The following PCDHGA4 variants were observed in gnomAD, a reference collection of about 807,000 sequenced individuals.
PCDHGA4 encodes protocadherin gamma subfamily A, 4.
Under a neutral mutation model 54.6 loss-of-function variants are expected in PCDHGA4, and 38 were observed. The observed-to-expected ratio is 0.70, with a 90% confidence interval of 0.54 to 0.91. PCDHGA4 has a LOEUF of 0.91. PCDHGA4 is among the 40% of genes least tolerant of loss of function. The pLI, the probability that PCDHGA4 is intolerant of heterozygous loss-of-function variation, is 0.00. For missense variants in PCDHGA4, 1,298 were observed against 1,220.9 expected, an observed-to-expected ratio of 1.06 and a Z score of -0.94; for synonymous variants, 511 against 512.9, an observed-to-expected ratio of 1.00 and a Z score of 0.05.
At chr5:141,405,632 G>A (rs1487962714) in intron 1 of PCDHGA4, 9 of 530,162 alleles carry the variant, frequency 1.7e-5, no homozygotes, top group African/African-American at 1.2e-4. Flanking sequence ...GTGCCACCAC[G>A]CCCGGCTAAT....
At position 141,487,565 on chromosome 5, in the gene PCDHGA4, G is replaced by A. The variant is rs1473034794; in HGVS notation, c.2515-7242G>A. ...GTCACCCAGTGCACCTATGGCAGGGGAGCCTGTTCGCCCAAGCTGCCCACC... is the reference window on the plus strand; with the variant it reads ...GTCACCCAGTGCACCTATGGCAGGGAAGCCTGTTCGCCCAAGCTGCCCACC... On this transcript the variant is annotated intron_variant, in intron 1 of 3. Transcript: ENST00000571252. This position sits in a 1 kb window ranked among gnomAD's most constrained non-coding sequence, Gnocchi z 5.0. The A allele has an allele frequency of 6.2e-7, 1 of 1,614,164 alleles. No individual in the cohort carries two copies. Among genetic ancestry groups the A allele is most frequent in the East Asian group, 2.2e-5 (1 of 44,856 alleles).
intron 1 of PCDHGA4, among the ~76,000 whole-genome samples, chr5:141,397,814 C>G (rs1325713795): frequency 6.6e-6 from 1 of 152,200 alleles, no homozygotes; most frequent in Non-Finnish European, 1.5e-5. Flanking sequence ...CACACAAAAA[C>G]AATTACTGCA....
chr5:141,429,377 G>T (rs1029180912), intron 1 of PCDHGA4, among the ~76,000 whole-genome samples: 1 of 149,434 alleles, frequency 6.7e-6, no homozygotes, highest in African/African-American at 2.5e-5. Context: ...GAGAAAATGT[G>T]TTTTTTTTTT....
chr5:141,485,009 C>A lies in PCDHGA4; in HGVS notation c.2515-9798C>A, dbSNP rs531346426. 4 of 628,216 alleles carry A rather than the reference C, an allele frequency of 6.4e-6. No individual in the cohort carries two copies. Among genetic ancestry groups the A allele is most frequent in the African/African-American group, 3.7e-5 (2 of 54,100 alleles). 38.9% of individuals were successfully genotyped at this position (628,216 alleles called of 1,614,324 possible). On this transcript the variant is annotated intron_variant, in intron 1 of 3. Transcript: ENST00000571252. This position sits in a 1 kb window ranked among gnomAD's most constrained non-coding sequence, Gnocchi z 5.7. Reference sequence around the variant, plus strand: ...GGTGGTGAAAGGCAGACAAATCTACCCCGCCACCAGCAAAAACGGCGCGTA... The same window carrying A: ...GGTGGTGAAAGGCAGACAAATCTACACCGCCACCAGCAAAAACGGCGCGTA...
intron 1 of PCDHGA4, chr5:141,414,596 C>T: frequency 6.2e-7 from 1 of 1,613,962 alleles, no homozygotes; most frequent in Non-Finnish European, 8.5e-7. Context: ...AGGGGTGCCT[C>T]CATCTTCTCA....
chr5:141,362,677 G>T, intron 1 of PCDHGA4: 2 of 1,225,610 alleles, frequency 1.6e-6, no homozygotes, highest in Non-Finnish European at 1.1e-6. Context: ...TGCCTTAATT[G>T]TCTTAATCTT....
At chr5:141,408,932 A>C in intron 1 of PCDHGA4, 1 of 1,613,594 alleles carries the variant, frequency 6.2e-7, no homozygotes, top group South Asian at 1.1e-5. Context: ...GGTTTTCAGC[A>C]GAGACGAATA....
At chr5:141,385,309 C>G (rs774342510) in intron 1 of PCDHGA4, 1 of 1,612,276 alleles carries the variant, frequency 6.2e-7, no homozygotes, top group South Asian at 1.1e-5. Flanking sequence ...TAAAGAAAAC[C>G]TGCCAAGTAT....
intron 1 of PCDHGA4, among the ~76,000 whole-genome samples, chr5:141,463,641 C>T (rs182957065): frequency 2.0e-5 from 3 of 151,734 alleles, no homozygotes; most frequent in African/African-American, 7.2e-5. Context: ...TTAGTAGAGA[C>T]GGGGTTTCAC....
At position 141,511,399 on chromosome 5, in the gene PCDHGA4, A is replaced by C; in HGVS notation, c.*226A>C. 1.0e-6 allele frequency: 1 copy of C among 987,714 alleles called. No homozygotes were observed. The highest frequency in any genetic ancestry group is 1.4e-6 in the Non-Finnish European group (1 of 693,342). The allele number at this position is 987,714 out of a possible 1,614,324, so 61.2% of individuals were successfully genotyped here. ...CAGTTCCGCTGGGAACCCCCATCCA[A>C]TCAACTGCTGTACCCATGGGGGTAG... On this transcript the variant is annotated 3_prime_UTR_variant, in exon 4 of 4. Transcript: ENST00000571252.
chr5:141,430,809 G>A (rs949727881), intron 1 of PCDHGA4: 5 of 1,527,014 alleles, frequency 3.3e-6, no homozygotes, highest in Non-Finnish European at 4.4e-6. Context: ...GTCCTGCTGG[G>A]AATCCTCCTG....
intron 1 of PCDHGA4, chr5:141,415,782 T>C: frequency 7.4e-7 from 1 of 1,356,228 alleles, no homozygotes. Context: ...TACTTTCTGG[T>C]AAAATTCACC....
chr5:141,389,360 T>C (rs1245411453), intron 1 of PCDHGA4: 4 of 1,613,742 alleles, frequency 2.5e-6, no homozygotes, highest in South Asian at 1.1e-5. Flanking sequence ...TCATGGCCAG[T>C]GACCTGGAGC....
At chr5:141,423,712 T>C (rs1231796741) in intron 1 of PCDHGA4, 2 of 1,313,518 alleles carry the variant, frequency 1.5e-6, no homozygotes, top group Admixed American at 3.2e-5. Flanking sequence ...CACAAGTCTT[T>C]TAAGGAGATG....
chr5:141,386,441 T>C (rs908191919), intron 1 of PCDHGA4, among the ~76,000 whole-genome samples: 3 of 152,152 alleles, frequency 2.0e-5, no homozygotes, highest in African/African-American at 7.2e-5. Context: ...CATGGGAGGC[T>C]GAGGCAAGAG....
intron 1 of PCDHGA4, chr5:141,394,570 A>G: frequency 6.2e-7 from 1 of 1,613,768 alleles, no homozygotes; most frequent in Non-Finnish European, 8.5e-7. Flanking sequence ...GAGCGTGGCT[A>G]CCTGGTGACC....
intron 1 of PCDHGA4, chr5:141,370,241 T>A (rs1442707721): frequency 4.8e-6 from 3 of 626,086 alleles, no homozygotes; most frequent in Non-Finnish European, 7.8e-6. Flanking sequence ...GGAAGAAAAG[T>A]GCACTCTCTA....
chr5:141,407,390 G>T (rs2094924861), intron 1 of PCDHGA4, among the ~76,000 whole-genome samples: 1 of 152,164 alleles, frequency 6.6e-6, no homozygotes, highest in Non-Finnish European at 1.5e-5. Flanking sequence ...GTATGTCATG[G>T]TAGGTAGTTA....
intron 1 of PCDHGA4, among the ~76,000 whole-genome samples, chr5:141,482,832 G>A (rs2099573281): frequency 6.6e-6 from 1 of 152,188 alleles, no homozygotes; most frequent in Non-Finnish European, 1.5e-5. Flanking sequence ...AGCACTTTGG[G>A]AGGCCAAGGT....
Sources: allele counts gnomAD v4.1 joint callset (sites outside exome capture counted in the v4.1 genomes callset), GRCh38; gene constraint gnomAD v4.1.1; non-coding constraint Gnocchi (gnomAD v3.1); transcripts MANE v1.5; gene names NCBI Gene and HGNC (gene_info 2026-07-23, HGNC 2026-07-21).